Variants in SLC49A4 observed in about 807,000 individuals in gnomAD.
The protein encoded by SLC49A4 is disrupted in renal cancer protein 2.
SLC49A4 carries 36 observed loss-of-function variants against 50.6 expected under a neutral mutation model. The ratio of observed to expected loss-of-function variants is 0.71; its 90% CI spans 0.55 to 0.94. SLC49A4 has a LOEUF of 0.94. Ranked by LOEUF, SLC49A4 falls within the 40% of genes least tolerant of loss-of-function variation. The probability of loss-of-function intolerance (pLI) is 0.00; values close to 1 mark genes in which losing one functional copy is unlikely to be tolerated. For synonymous variants in SLC49A4, 248 were observed against 241.2 expected (o/e 1.03, Z -0.26); for missense variants, 503 against 605.7 (o/e 0.83, Z 1.78).
chr3:122,813,262 G>A (rs1000704654), intron 2 of SLC49A4, among the ~76,000 whole-genome samples: 5 of 149,984 alleles, frequency 3.3e-5, no homozygotes, highest in Non-Finnish European at 5.9e-5. Flanking sequence ...AAAAAGCTGT[G>A]TAAAATTGTC....
chr3:122,863,127 A>G (rs974789069), intron 7 of SLC49A4, among the ~76,000 whole-genome samples: 2 of 152,216 alleles, frequency 1.3e-5, no homozygotes, highest in Non-Finnish European at 2.9e-5. Context: ...TAAGTTTTTG[A>G]ATGTCACTTA....
chr3:122,856,851 A>T (rs1179001225), intron 6 of SLC49A4, among the ~76,000 whole-genome samples: 1 of 152,058 alleles, frequency 6.6e-6, no homozygotes, highest in Non-Finnish European at 1.5e-5. Flanking sequence ...AAAAAAAAAA[A>T]AAGAATTTGC....
intron 8 of SLC49A4, among the ~76,000 whole-genome samples, chr3:122,874,356 A>G (rs1408907201): frequency 6.6e-6 from 1 of 152,132 alleles, no homozygotes; most frequent in African/African-American, 2.4e-5. Flanking sequence ...TCATTTTGCA[A>G]ATTCATAGTG....
chr3:122,871,903 C>G (rs1937200865), intron 7 of SLC49A4, among the ~76,000 whole-genome samples: 1 of 152,036 alleles, frequency 6.6e-6, no homozygotes, highest in Admixed American at 6.6e-5. Context: ...AAATGTTGAC[C>G]TAAAACCCAT....
chr3:122,879,259 A>C lies in SLC49A4; in HGVS notation c.1322-4A>C. 6.2e-7 allele frequency: 1 copy of C among 1,610,440 alleles called. No homozygotes were observed. The highest frequency in any genetic ancestry group is 8.5e-7 in the Non-Finnish European group (1 of 1,176,992). ...TTAAAACTGCATGTTTTTTTGTCTT[A>C]CAGAGTTGTCTTGGTTCAACTGGTG... On this transcript the variant is annotated splice_region_variant and splice_polypyrimidine_tract_variant and intron_variant, in intron 8 of 8. Coordinates refer to ENST00000261038, the MANE Select transcript of SLC49A4 (RefSeq NM_032839.3).
At chr3:122,841,646 C>T (rs1426716907) in intron 4 of SLC49A4, among the ~76,000 whole-genome samples, 2 of 152,168 alleles carry the variant, frequency 1.3e-5, no homozygotes, top group South Asian at 2.1e-4. Context: ...TTGGTTGCAC[C>T]AGCCACATTT....
intron 1 of SLC49A4, among the ~76,000 whole-genome samples, chr3:122,795,792 A>C (rs1936025714): frequency 6.6e-6 from 1 of 152,210 alleles, no homozygotes; most frequent in African/African-American, 2.4e-5. Context: ...CGATCTCTAA[A>C]CGTTCAAGTT....
At chr3:122,870,523 T>C (rs991528455) in intron 7 of SLC49A4, among the ~76,000 whole-genome samples, 4 of 151,492 alleles carry the variant, frequency 2.6e-5, no homozygotes, top group African/African-American at 9.7e-5. Context: ...GATAGATTAT[T>C]CTAGGTCAGG....
chr3:122,853,445 A>G (rs962120726), intron 5 of SLC49A4, among the ~76,000 whole-genome samples: 11 of 152,166 alleles, frequency 7.2e-5, no homozygotes, highest in African/African-American at 2.7e-4. Context: ...GTTAAGGAAA[A>G]GTGTAGCACC....
rs549927790 is a variant in SLC49A4, at chr3:122,826,995, A to G, written c.633A>G (p.Thr211=). The G allele has an allele frequency of 6.2e-7, 1 of 1,614,222 alleles. No individual in the cohort carries two copies. Among genetic ancestry groups the G allele is most frequent in the South Asian group, 1.1e-5 (1 of 91,090 alleles). ...TTGTTGTTCCAGCTCCCAATGGGAC[A>G]TCACCTCTTCTTGCTGCAGAGAGCA... ...GPLVVPAPNG[T]SPLLAAESSR... Residue 211 remains threonine (T), a synonymous_variant, in exon 3 of 9, where the codon ACA becomes ACG. Coordinates refer to ENST00000261038, the MANE Select transcript of SLC49A4 (RefSeq NM_032839.3).
chr3:122,805,001 T>A (rs1936194393), intron 1 of SLC49A4, among the ~76,000 whole-genome samples: 1 of 152,008 alleles, frequency 6.6e-6, no homozygotes, highest in East Asian at 1.9e-4. Context: ...AACAAACTCT[T>A]TAGAAAAAAA....
intron 4 of SLC49A4, among the ~76,000 whole-genome samples, chr3:122,844,667 A>G (rs1400833243): frequency 6.6e-6 from 1 of 152,042 alleles, no homozygotes; most frequent in Non-Finnish European, 1.5e-5. Context: ...CTGTAATTCC[A>G]GCTCTTTGGG....
intron 4 of SLC49A4, among the ~76,000 whole-genome samples, chr3:122,838,996 AGGGT>A (rs1936731577): frequency 6.6e-6 from 1 of 152,208 alleles, no homozygotes; most frequent in African/African-American, 2.4e-5. Flanking sequence ...TTATACTACA[AGGGT>A]ATAGTTACTA....
At chr3:122,858,644 G>C (rs983356893) in intron 6 of SLC49A4, among the ~76,000 whole-genome samples, 1 of 152,102 alleles carries the variant, frequency 6.6e-6, no homozygotes, top group South Asian at 2.1e-4. Context: ...ACAGAAGATA[G>C]TATTCAAAGT....
At chr3:122,859,500 T>C (rs753996783) in intron 6 of SLC49A4, among the ~76,000 whole-genome samples, 5 of 152,192 alleles carry the variant, frequency 3.3e-5, no homozygotes, top group South Asian at 2.1e-4. Context: ...ATGTTCATTA[T>C]AGAATGTTTG....
chr3:122,836,491 A>G (rs2107569630), intron 4 of SLC49A4, among the ~76,000 whole-genome samples: 1 of 152,298 alleles, frequency 6.6e-6, no homozygotes, highest in African/African-American at 2.4e-5. Context: ...TTTTGGTATC[A>G]GGATGATGCT....
intron 7 of SLC49A4, among the ~76,000 whole-genome samples, chr3:122,868,336 A>G (rs1314819266): frequency 1.3e-5 from 2 of 152,198 alleles, no homozygotes; most frequent in South Asian, 4.1e-4. Context: ...TTTATTAGAA[A>G]AAAAACTGCA....
chr3:122,807,066 G>T lies in SLC49A4; in HGVS notation c.437+116G>T, dbSNP rs142874105. The T allele has an allele frequency of 8.6e-4, 490 of 567,098 alleles. 2 individuals carry two copies. Among genetic ancestry groups the T allele is most frequent in the African/African-American group, 8.0e-3 (407 of 51,104 alleles). 35.1% of individuals were successfully genotyped at this position (567,098 alleles called of 1,614,324 possible). A position where few individuals can be genotyped will look rare whatever the true frequency, so the allele number is the denominator to read the frequency against. ...AAGCGTTTATTTTTTTACTCTATAT[G>T]ATGATTAATTTAATTGATATTTATC... is the stretch of plus-strand genomic sequence containing the variant. On this transcript the variant is annotated intron_variant, in intron 2 of 8. Coordinates refer to ENST00000261038, the MANE Select transcript of SLC49A4 (RefSeq NM_032839.3).
intron 1 of SLC49A4, among the ~76,000 whole-genome samples, chr3:122,806,416 C>T (rs555519330): frequency 1.1e-4 from 17 of 152,174 alleles, no homozygotes; most frequent in South Asian, 2.1e-4. Flanking sequence ...CTCACTCTGT[C>T]GCCCAGGCTG....
Sources: gnomAD v4.1 joint callset for allele counts (sites outside exome capture counted in the v4.1 genomes callset) on GRCh38, gnomAD v4.1.1 for gene constraint, MANE v1.5 for transcripts, NCBI Gene and HGNC (gene_info 2026-07-23, HGNC 2026-07-21) for gene names.